The following ARMC2 variants were observed in gnomAD, a reference collection of about 807,000 sequenced individuals.
ARMC2 encodes armadillo repeat-containing protein 2.
Under a neutral mutation model 90.3 loss-of-function variants are expected in ARMC2, and 67 were observed. The observed-to-expected ratio is 0.74, with a 90% CI of 0.61 to 0.91. ARMC2 has a LOEUF of 0.91. Among genes scored for constraint, ARMC2 ranks in the 40% least tolerant of loss-of-function variants. The pLI, the probability that ARMC2 is intolerant of heterozygous loss-of-function variation, is 0.00. For synonymous variants in ARMC2, 393 were observed against 393.0 expected, an observed-to-expected ratio of 1.00 and a Z score of 0.00; for missense variants, 920 against 1,030.9, an observed-to-expected ratio of 0.89 and a Z score of 1.47.
At chr6:108,891,762 T>G (rs979358547) in intron 5 of ARMC2, among the ~76,000 whole-genome samples, 1 of 152,232 alleles carries the variant, frequency 6.6e-6, no homozygotes, top group Non-Finnish European at 1.5e-5. Context: ...TAGATCCCAT[T>G]TGTCAATTTT....
intron 2 of ARMC2, among the ~76,000 whole-genome samples, chr6:108,857,519 A>G (rs79121466): frequency 0.012 from 1,791 of 152,190 alleles, 31 homozygotes; most frequent in African/African-American, 0.042. Context: ...GTCTTATTGC[A>G]TTAGCTGGGA....
chr6:109,000,524 A>G, the ARMC2 span: 118 of 1,606,702 alleles, frequency 7.3e-5, no homozygotes, highest in Non-Finnish European at 9.5e-5. Context: ...GCCAAGGTCT[A>G]TGGGCTAACA....
At chr6:109,032,442 C>A in the ARMC2 span, among the ~76,000 whole-genome samples, 9 of 151,958 alleles carry the variant, frequency 5.9e-5, no homozygotes, top group African/African-American at 2.2e-4. Flanking sequence ...CATAGTGAAA[C>A]CCTGTCTCTA....
At position 108,878,656 on chromosome 6, in the gene ARMC2, C is replaced by T. The variant is rs116313349; in HGVS notation, c.671+2306C>T. 4.2e-3 allele frequency among the ~76,000 whole-genome samples: 640 copies of T among 152,256 alleles called. 3 individuals are homozygous for T. Among genetic ancestry groups the T allele is most frequent in the African/African-American group, 0.014 (600 of 41,526 alleles). ...AAACAAAGTATCATTGTAAACAATG[C>T]TTTAGAGGACTATTTAACTTTACAA... is the stretch of plus-strand genomic sequence containing the variant. On this transcript the variant is annotated intron_variant, in intron 5 of 17. Transcript: ENST00000392644.
chr6:108,911,314 A>G (rs879462566), intron 9 of ARMC2, among the ~76,000 whole-genome samples: 4 of 152,206 alleles, frequency 2.6e-5, no homozygotes, highest in African/African-American at 9.6e-5. Context: ...ATAGTATTTG[A>G]CATAGTTGAA....
At chr6:108,867,686 G>A (rs1322341147) in intron 3 of ARMC2, among the ~76,000 whole-genome samples, 3 of 152,008 alleles carry the variant, frequency 2.0e-5, no homozygotes, top group Non-Finnish European at 2.9e-5. Flanking sequence ...CCGGAGAATC[G>A]CTTGAACCTG....
Position 108,973,813 on chromosome 6 carries a change from A to G in ARMC2, c.*299A>G. 1 of 237,060 alleles carries G rather than the reference A, an allele frequency of 4.2e-6. No individual in the cohort carries two copies. Among genetic ancestry groups the G allele is most frequent in the Non-Finnish European group, 8.3e-6 (1 of 120,790 alleles). The allele number at this position is 237,060 out of a possible 1,614,324, so 14.7% of individuals were successfully genotyped here. A position where few individuals can be genotyped will look rare whatever the true frequency, so the allele number is the denominator to read the frequency against. The stretch of plus-strand genomic sequence containing the variant: ...TTAAACAATTTAGTTCTAGTCTTAA[A>G]ATCTTGATTTAACAATTTTGGAATT... On this transcript the variant is annotated 3_prime_UTR_variant, in exon 18 of 18. Coordinates refer to ENST00000392644, the MANE Select transcript of ARMC2 (RefSeq NM_032131.6).
intron 10 of ARMC2, among the ~76,000 whole-genome samples, chr6:108,922,376 G>C (rs994397100): frequency 6.6e-6 from 1 of 152,020 alleles, no homozygotes; most frequent in Non-Finnish European, 1.5e-5. Flanking sequence ...GGGTTCAGGC[G>C]ATTCTCCTGC....
At chr6:108,887,559 G>T (rs142354848) in intron 5 of ARMC2, among the ~76,000 whole-genome samples, 2 of 152,246 alleles carry the variant, frequency 1.3e-5, no homozygotes, top group Non-Finnish European at 2.9e-5. Flanking sequence ...GCCGCCAAAG[G>T]CCTGATTGCA....
At chr6:109,022,072 T>A in the ARMC2 span, among the ~76,000 whole-genome samples, 1 of 152,002 alleles carries the variant, frequency 6.6e-6, no homozygotes, top group Non-Finnish European at 1.5e-5. Context: ...CTTCCCAGTA[T>A]ATATTTTTTG....
intron 7 of ARMC2, among the ~76,000 whole-genome samples, chr6:108,903,011 TA>T (rs1383110307): frequency 6.6e-6 from 1 of 151,846 alleles, no homozygotes; most frequent in East Asian, 1.9e-4. Context: ...CTACCAAAAA[TA>T]AAAAAATTAG....
At chr6:108,967,992 A>G (rs1778497013) in intron 17 of ARMC2, among the ~76,000 whole-genome samples, 1 of 152,198 alleles carries the variant, frequency 6.6e-6, no homozygotes, top group African/African-American at 2.4e-5. Flanking sequence ...CTTCTTATAT[A>G]GCAATCAGTC....
chr6:108,969,057 A>T (rs1778576772), intron 17 of ARMC2, among the ~76,000 whole-genome samples: 2 of 152,120 alleles, frequency 1.3e-5, no homozygotes, highest in African/African-American at 4.8e-5. Context: ...GCACCTGATG[A>T]CCATGTGTGT....
At chr6:108,883,632 C>A (rs1207157830) in intron 5 of ARMC2, among the ~76,000 whole-genome samples, 4 of 152,122 alleles carry the variant, frequency 2.6e-5, no homozygotes, top group African/African-American at 9.7e-5. Flanking sequence ...TAATGTTTTT[C>A]ATTACTTTTT....
chr6:108,925,892 A>G (rs1775063488), intron 10 of ARMC2, among the ~76,000 whole-genome samples: 2 of 152,212 alleles, frequency 1.3e-5, no homozygotes, highest in Non-Finnish European at 2.9e-5. Flanking sequence ...ATGACATGTC[A>G]CATATAAATG....
In ARMC2 at chr6:108,858,076, T is replaced by C. The variant is rs528390007; in HGVS notation, c.219-123T>C. 6 of 603,982 alleles carry C rather than the reference T, an allele frequency of 9.9e-6. 1 individual carries two copies. The South Asian group carries it at 1.6e-4, about 16-fold the overall frequency. The allele number at this position is 603,982 out of a possible 1,614,324, so 37.4% of individuals were successfully genotyped here. ...TAAGTACAATAACATGAAAAAATGT[T>C]TTTCCTCATGGTTTATGCATTGCAT... On this transcript the variant is annotated intron_variant, in intron 2 of 17. Coordinates refer to ENST00000392644, the MANE Select transcript of ARMC2 (RefSeq NM_032131.6).
At chr6:108,906,224 TACAA>T (rs1237445394) in intron 8 of ARMC2, among the ~76,000 whole-genome samples, 1 of 151,770 alleles carries the variant, frequency 6.6e-6, no homozygotes, top group Non-Finnish European at 1.5e-5. Context: ...TTTAAAGGAG[TACAA>T]ACAAATATAT....
At chr6:108,858,660 A>G (rs558345641) in intron 3 of ARMC2, among the ~76,000 whole-genome samples, 1 of 150,788 alleles carries the variant, frequency 6.6e-6, no homozygotes, top group South Asian at 2.1e-4. Flanking sequence ...ATATATATTT[A>G]TATGTAGTCT....
At chr6:108,981,978 CTTTTT>C in the ARMC2 span, among the ~76,000 whole-genome samples, 9 of 152,062 alleles carry the variant, frequency 5.9e-5, no homozygotes, top group African/African-American at 1.9e-4. Flanking sequence ...GATTTCTTTC[CTTTTT>C]AAGACTGAAT....
Sources: gnomAD v4.1 joint callset for allele counts (sites outside exome capture counted in the v4.1 genomes callset) on GRCh38, gnomAD v4.1.1 for gene constraint, MANE v1.5 for transcripts, NCBI Gene and HGNC (gene_info 2026-07-23, HGNC 2026-07-21) for gene names.